CLASP1: variants seen among roughly 807,000 people sequenced by gnomAD.
CLASP1 encodes cytoplasmic linker associated protein 1.
In CLASP1, 38 loss-of-function variants were observed where a neutral mutation model predicts 192.3. The ratio of observed to expected loss-of-function variants is 0.20; its 90% CI spans 0.15 to 0.26. The LOEUF (loss-of-function observed/expected upper bound fraction) is 0.26. Among genes scored for constraint, CLASP1 ranks in the 10% least tolerant of loss-of-function variants. CLASP1 has a pLI of 1.00. For synonymous variants in CLASP1, 691 were observed against 712.8 expected (o/e 0.97, Z 0.49); for missense variants, 1,433 against 1,932.5 (o/e 0.74, Z 4.85).
chr2:121,530,311 G>A (rs371474806), exon 3 of CLASP1: 81 of 1,551,280 alleles, frequency 5.2e-5, no homozygotes, highest in Non-Finnish European at 6.8e-5. Flanking sequence ...GGATGTCCAT[G>A]CCCAGCAGAA....
At chr2:121,437,143 A>C (rs182843406) in intron 19 of CLASP1, among the ~76,000 whole-genome samples, 1 of 151,828 alleles carries the variant, frequency 6.6e-6, no homozygotes, top group Non-Finnish European at 1.5e-5. Flanking sequence ...TAAAAAAAAA[A>C]TTTTTGGTAG....
chr2:121,419,662 T>C (rs2079165288), intron 22 of CLASP1, among the ~76,000 whole-genome samples: 1 of 151,446 alleles, frequency 6.6e-6, no homozygotes, highest in African/African-American at 2.4e-5. Context: ...TCATAATAAC[T>C]GGGCTGTGAA....
At chr2:121,562,576 C>T (rs1196140232) in intron 2 of CLASP1, among the ~76,000 whole-genome samples, 1 of 152,202 alleles carries the variant, frequency 6.6e-6, no homozygotes, top group Non-Finnish European at 1.5e-5. Context: ...GAATACTGAA[C>T]AGCTCTTCTG....
At chr2:121,562,883 AATT>A in intron 2 of CLASP1, among the ~76,000 whole-genome samples, 1 of 152,266 alleles carries the variant, frequency 6.6e-6, no homozygotes, top group East Asian at 1.9e-4. Context: ...AGTTGTTCTA[AATT>A]ATTTTTCATG....
intron 2 of CLASP1, among the ~76,000 whole-genome samples, chr2:121,592,044 T>C (rs749605317): frequency 2.0e-4 from 31 of 152,212 alleles, no homozygotes; most frequent in Non-Finnish European, 4.3e-4. Flanking sequence ...AATAGATAAC[T>C]TGGCAGGGCC....
chr2:121,366,113 TCTGTCATTTCCTCCTGCCTTC>T (rs2067359595), intron 35 of CLASP1, among the ~76,000 whole-genome samples: 1 of 152,230 alleles, frequency 6.6e-6, no homozygotes, highest in Non-Finnish European at 1.5e-5. Context: ...GGTAAAGAAC[TCTGTCATTTCCTCCTGCCTTC>T]CTATCTTTTC....
At chr2:121,357,457 A>T (rs755554994) in intron 37 of CLASP1, among the ~76,000 whole-genome samples, 5 of 152,156 alleles carry the variant, frequency 3.3e-5, no homozygotes, top group Non-Finnish European at 7.4e-5. Flanking sequence ...AGATATCCAG[A>T]GTGTCTATGA....
At chr2:121,462,712 A>T in intron 9 of CLASP1, 107 bp from the exon 10 acceptor site, 1 of 684,884 alleles carries the variant, frequency 1.5e-6, no homozygotes. Flanking sequence ...TGGAAGATTC[A>T]GAACATTTTT....
At chr2:121,383,292 G>A (rs1057303308) in intron 32 of CLASP1, among the ~76,000 whole-genome samples, 1 of 152,208 alleles carries the variant, frequency 6.6e-6, no homozygotes, top group African/African-American at 2.4e-5. Context: ...AGTCTCCCCT[G>A]AGCACAGGTA....
intron 19 of CLASP1, 86 bp downstream of exon 19, chr2:121,447,251 A>G (rs1023001283): frequency 8.0e-7 from 1 of 1,246,880 alleles, no homozygotes; most frequent in Non-Finnish European, 1.1e-6. Context: ...ACTTGCCTCA[A>G]TCATGGGTTT....
At chr2:121,531,078 T>C (rs566690861) in intron 2 of CLASP1, 7 of 687,168 alleles carry the variant, frequency 1.0e-5, no homozygotes, top group Admixed American at 4.0e-5. Flanking sequence ...TACTTTGTGG[T>C]TAAACCAGTA....
At chr2:121,433,378 A>G (rs1366379276) in intron 19 of CLASP1, among the ~76,000 whole-genome samples, 1 of 150,914 alleles carries the variant, frequency 6.6e-6, no homozygotes, top group Non-Finnish European at 1.5e-5. Context: ...AACAATTTTT[A>G]TCATAAATGT....
At chr2:121,346,394 A>C (rs1200759424) in intron 39 of CLASP1, among the ~76,000 whole-genome samples, 2 of 152,186 alleles carry the variant, frequency 1.3e-5, no homozygotes, top group Non-Finnish European at 1.5e-5. Context: ...TTGTTGTTTT[A>C]ATTAAAACCA....
chr2:121,409,059 A>C, intron 24 of CLASP1: 1 of 1,562,540 alleles, frequency 6.4e-7, no homozygotes, highest in Non-Finnish European at 8.7e-7. Flanking sequence ...TGTAGGCAGG[A>C]AAATATTGAA....
chr2:121,449,063 G>C (rs776808017), exon 17 of CLASP1: 2 of 1,613,954 alleles, frequency 1.2e-6, no homozygotes, highest in Middle Eastern at 3.3e-4. Flanking sequence ...AGGACTCCAA[G>C]GTGTGGTACA....
intron 2 of CLASP1, among the ~76,000 whole-genome samples, chr2:121,561,875 T>C (rs1421696017): frequency 3.3e-5 from 5 of 152,224 alleles, no homozygotes; most frequent in Non-Finnish European, 7.3e-5. Context: ...TTGAGTGGCT[T>C]ATCTACAAGG....
At chr2:121,589,215 A>G (rs1194995146) in intron 2 of CLASP1, among the ~76,000 whole-genome samples, 1 of 152,234 alleles carries the variant, frequency 6.6e-6, no homozygotes, top group African/African-American at 2.4e-5. Flanking sequence ...ATGATGAGAA[A>G]GATTACTGAC....
At chr2:121,575,481 GA>G (rs932908991) in intron 2 of CLASP1, among the ~76,000 whole-genome samples, 1 of 152,162 alleles carries the variant, frequency 6.6e-6, no homozygotes, top group African/African-American at 2.4e-5. Flanking sequence ...GTAAAAGCAT[GA>G]AAATGTATCA....
At chr2:121,555,006 C>T (rs1250174122) in intron 2 of CLASP1, among the ~76,000 whole-genome samples, 2 of 152,266 alleles carry the variant, frequency 1.3e-5, no homozygotes, top group South Asian at 2.1e-4. Context: ...ATATCTCTAT[C>T]CAGAAATATC....
Sources: gnomAD v4.1 joint callset for allele counts (sites outside exome capture counted in the v4.1 genomes callset) on GRCh38, gnomAD v4.1.1 for gene constraint, MANE v1.5 for transcripts, NCBI Gene and HGNC (gene_info 2026-07-23, HGNC 2026-07-21) for gene names.